The following TTC28 variants were observed in gnomAD, a reference collection of about 807,000 sequenced individuals.
TTC28 encodes tetratricopeptide repeat domain 28.
Under a neutral mutation model 198.0 loss-of-function variants are expected in TTC28, and 61 were observed. The ratio of observed to expected loss-of-function variants is 0.31; its 90% CI spans 0.25 to 0.38. The LOEUF is 0.38. Ranked by LOEUF, TTC28 falls within the 10% of genes least tolerant of loss-of-function variation. TTC28 has a pLI of 1.00. For missense variants in TTC28, 2,678 were observed against 3,164.0 expected (o/e 0.85, Z 3.69); for synonymous variants, 1,171 against 1,297.8 (o/e 0.90, Z 2.10).
intron 5 of TTC28, among the ~76,000 whole-genome samples, chr22:28,240,848 G>A (rs1453164625): frequency 6.6e-6 from 1 of 152,120 alleles, no homozygotes; most frequent in African/African-American, 2.4e-5. Context: ...GGGACAATTT[G>A]AGTAGCAAAT....
At chr22:28,450,995 A>C (rs1430346535) in intron 2 of TTC28, among the ~76,000 whole-genome samples, 2 of 152,162 alleles carry the variant, frequency 1.3e-5, no homozygotes, top group Non-Finnish European at 2.9e-5. Flanking sequence ...GAAAACAGAG[A>C]TCAGTGTTTA....
chr22:28,441,602 A>G (rs1037184596), intron 2 of TTC28, among the ~76,000 whole-genome samples: 1 of 152,226 alleles, frequency 6.6e-6, no homozygotes, highest in African/African-American at 2.4e-5. Context: ...TCAATTCGCC[A>G]GGCTATGCTA....
chr22:28,041,036 G>A (rs747408418), intron 12 of TTC28, among the ~76,000 whole-genome samples: 3 of 152,128 alleles, frequency 2.0e-5, no homozygotes, highest in Non-Finnish European at 2.9e-5. Context: ...GGATGTGAAC[G>A]ACCTCTTCAA....
rs1263554797 is a variant in TTC28, at chr22:28,528,880, A to G, written c.381+100672T>C. Reference sequence around the variant, plus strand: ...ACTGTTTTTAAAGGCAGTAAAATTAATATGAAAAACAAATGGACTTCAGAC... The same window carrying G: ...ACTGTTTTTAAAGGCAGTAAAATTAGTATGAAAAACAAATGGACTTCAGAC... On this transcript the variant is annotated intron_variant, in intron 2 of 22. Coordinates refer to ENST00000397906, the MANE Select transcript of TTC28 (RefSeq NM_001145418.2). 2.0e-5 allele frequency among the ~76,000 whole-genome samples: 3 copies of G among 152,232 alleles called. No homozygotes were observed. The East Asian group carries it at 5.8e-4, about 29-fold the overall frequency.
intron 2 of TTC28, among the ~76,000 whole-genome samples, chr22:28,346,265 T>C (rs2045900879): frequency 6.6e-6 from 1 of 152,230 alleles, no homozygotes; most frequent in South Asian, 2.1e-4. Flanking sequence ...TCATCATTCT[T>C]TATACCAGTT....
intron 12 of TTC28, among the ~76,000 whole-genome samples, chr22:28,087,596 T>G (rs1941654985): frequency 6.6e-6 from 1 of 152,106 alleles, no homozygotes. Context: ...CTTTGAAAAC[T>G]GGCACAAGAC....
chr22:28,286,535 G>A lies in TTC28; in HGVS notation c.933+9663C>T, dbSNP rs1203928613. Among the ~76,000 whole-genome samples the A allele has an allele frequency of 2.6e-5, 4 of 152,134 alleles. No individual in the cohort carries two copies. The East Asian group carries it at 7.7e-4, about 29-fold the overall frequency. ...CACATGTGGAAGTAGCTACCACAAT[G>A]AGAAGTATAAATCTACGAGAATACA... On this transcript the variant is annotated intron_variant, in intron 5 of 22. Transcript: ENST00000397906.
chr22:28,149,581 CA>C (rs1166955029), intron 6 of TTC28, among the ~76,000 whole-genome samples: 1 of 152,186 alleles, frequency 6.6e-6, no homozygotes, highest in Non-Finnish European at 1.5e-5. Flanking sequence ...TGAACACATA[CA>C]TTAGCCTAGG....
At chr22:28,621,774 A>G (rs974611763) in intron 2 of TTC28, among the ~76,000 whole-genome samples, 1 of 150,658 alleles carries the variant, frequency 6.6e-6, no homozygotes, top group Non-Finnish European at 1.5e-5. Context: ...AAAGAAAGAA[A>G]GAAAAGAAAA....
intron 5 of TTC28, among the ~76,000 whole-genome samples, chr22:28,235,796 T>C (rs76008071): frequency 0.018 from 2,761 of 152,320 alleles, 45 homozygotes; most frequent in Admixed American, 0.03. Flanking sequence ...AAATGGATCA[T>C]AGATTAAAAT....
intron 2 of TTC28, among the ~76,000 whole-genome samples, chr22:28,403,843 C>T (rs1187089754): frequency 6.6e-6 from 1 of 152,128 alleles, no homozygotes; most frequent in African/African-American, 2.4e-5. Flanking sequence ...GGTCTCATTT[C>T]CTCATAAAAA....
rs1936986276 is a variant in TTC28 at position 27,980,870 on chromosome 22, T to A, written c.*1351A>T. On this transcript the variant is annotated 3_prime_UTR_variant, in exon 23 of 23. Coordinates refer to ENST00000397906, the MANE Select transcript of TTC28 (RefSeq NM_001145418.2). ...CAACAATTTAAGTTACCGTCAGAGCTGTAGGAGAAGTCCACCTCCACTTTT... is the reference window on the plus strand; with the variant it reads ...CAACAATTTAAGTTACCGTCAGAGCAGTAGGAGAAGTCCACCTCCACTTTT... 6.6e-6 allele frequency: 1 copy of A among 152,294 alleles called. No homozygotes were observed. The highest frequency in any genetic ancestry group is 1.5e-5 in the Non-Finnish European group (1 of 68,060). 9.4% of individuals were successfully genotyped at this position (152,294 alleles called of 1,614,324 possible).
At chr22:28,164,006 C>A (rs62237575) in intron 5 of TTC28, among the ~76,000 whole-genome samples, 4,562 of 152,324 alleles carry the variant, frequency 0.03, 101 homozygotes, top group East Asian at 0.084. Flanking sequence ...TATCCCGCAC[C>A]TGGCTCAGAG....
At chr22:28,539,543 T>C (rs1435977463) in intron 2 of TTC28, among the ~76,000 whole-genome samples, 3 of 150,810 alleles carry the variant, frequency 2.0e-5, no homozygotes, top group Non-Finnish European at 4.4e-5. Context: ...GGCTGAGGCG[T>C]GAGGATTGCT....
chr22:28,017,546 G>A (rs1255774625), intron 13 of TTC28, among the ~76,000 whole-genome samples: 1 of 152,116 alleles, frequency 6.6e-6, no homozygotes, highest in South Asian at 2.1e-4. Context: ...TCCAACAGAG[G>A]AACAACATAG....
intron 5 of TTC28, among the ~76,000 whole-genome samples, chr22:28,180,780 C>T (rs572578495): frequency 6.6e-6 from 1 of 152,140 alleles, no homozygotes; most frequent in East Asian, 1.9e-4. Flanking sequence ...GAACTCACAT[C>T]CATGGCCTAC....
chr22:28,026,409 G>A (rs1014316230), intron 13 of TTC28, among the ~76,000 whole-genome samples: 13 of 152,116 alleles, frequency 8.5e-5, no homozygotes, highest in African/African-American at 2.7e-4. Context: ...CCCGTGCCAC[G>A]TTAAATGTGG....
intron 20 of TTC28, 131 bp downstream of exon 20, chr22:27,990,658 G>C (rs943443880): frequency 2.5e-6 from 2 of 807,952 alleles, no homozygotes; most frequent in African/African-American, 3.5e-5. Flanking sequence ...GCACCCGCGG[G>C]GGCGCCGCAG....
chr22:28,313,719 A>G (rs763648216), intron 2 of TTC28, among the ~76,000 whole-genome samples: 7 of 152,174 alleles, frequency 4.6e-5, no homozygotes, highest in Non-Finnish European at 7.3e-5. Context: ...TCTCAGCATA[A>G]TAAGAGCTGT....
Sources: gnomAD v4.1 joint callset for allele counts (sites outside exome capture counted in the v4.1 genomes callset) on GRCh38, gnomAD v4.1.1 for gene constraint, MANE v1.5 for transcripts, NCBI Gene and HGNC (gene_info 2026-07-23, HGNC 2026-07-21) for gene names.